The following ASNS variants were observed in gnomAD, a reference collection of about 807,000 sequenced individuals.
ASNS encodes the protein asparagine synthetase [glutamine-hydrolyzing].
In ASNS, 37 loss-of-function variants were observed where a neutral mutation model predicts 62.6. The observed-to-expected ratio is 0.59, with a 90% CI of 0.45 to 0.78. The LOEUF (loss-of-function observed/expected upper bound fraction) is 0.78. ASNS is among the 30% of genes least tolerant of loss of function. ASNS has a pLI of 0.00. For synonymous variants in ASNS, 207 were observed against 237.9 expected (o/e 0.87, Z 1.19); for missense variants, 520 against 682.4 (o/e 0.76, Z 2.65).
the ASNS span, among the ~76,000 whole-genome samples, chr7:97,892,013 G>A: frequency 6.6e-6 from 1 of 152,244 alleles, no homozygotes. Flanking sequence ...CCCTAGTAGA[G>A]GTTCTCCATG....
At chr7:97,881,222 A>C in the ASNS span, among the ~76,000 whole-genome samples, 1 of 152,210 alleles carries the variant, frequency 6.6e-6, no homozygotes, top group Non-Finnish European at 1.5e-5. Context: ...GATTACAGGC[A>C]TGAGCCATTG....
chr7:97,922,159 G>A, the ASNS span, among the ~76,000 whole-genome samples: 1 of 152,272 alleles, frequency 6.6e-6, no homozygotes, highest in East Asian at 1.9e-4. Context: ...GAGTCCAGGA[G>A]TTCGAGACCA....
chr7:97,856,192 A>G (rs1280358477), intron 8 of ASNS, among the ~76,000 whole-genome samples: 1 of 152,228 alleles, frequency 6.6e-6, no homozygotes, highest in African/African-American at 2.4e-5. Context: ...AGGCTCAATA[A>G]CACTGGATCA....
At chr7:97,871,570 T>C (rs543298358) in intron 1 of ASNS, 1 of 152,520 alleles carries the variant, frequency 6.6e-6, no homozygotes, top group African/African-American at 2.4e-5. Context: ...AGAAATAATG[T>C]AGGCCACGGG....
At chr7:97,895,862 A>C in the ASNS span, among the ~76,000 whole-genome samples, 2 of 152,170 alleles carry the variant, frequency 1.3e-5, no homozygotes, top group African/African-American at 2.4e-5. Flanking sequence ...CAAAATCAAC[A>C]TACAAAAATC....
the ASNS span, among the ~76,000 whole-genome samples, chr7:97,920,825 G>A: frequency 3.2e-4 from 48 of 152,234 alleles, no homozygotes; most frequent in Non-Finnish European, 7.1e-4. Context: ...AAACTTGGGG[G>A]AAATGTTAAT....
At chr7:97,916,329 C>T in the ASNS span, among the ~76,000 whole-genome samples, 12 of 151,916 alleles carry the variant, frequency 7.9e-5, no homozygotes, top group Admixed American at 7.2e-4. Context: ...TGCAGTGAAC[C>T]GAGATTGCAC....
chr7:97,873,386 A>C (rs1792366900), upstream of ASNS, among the ~76,000 whole-genome samples: 1 of 152,262 alleles, frequency 6.6e-6, no homozygotes. Context: ...TGCAGGTTTG[A>C]TATCCCCATA....
chr7:97,923,309 G>T, the ASNS span, among the ~76,000 whole-genome samples: 1 of 151,572 alleles, frequency 6.6e-6, no homozygotes, highest in African/African-American at 2.4e-5. Flanking sequence ...TTTAAAAATG[G>T]TCAGGCATGG....
At chr7:97,925,136 T>G in the ASNS span, among the ~76,000 whole-genome samples, 2 of 151,990 alleles carry the variant, frequency 1.3e-5, no homozygotes, top group African/African-American at 4.8e-5. Context: ...GACTCCATCT[T>G]TAAAAAACAT....
the ASNS span, among the ~76,000 whole-genome samples, chr7:97,909,299 T>G: frequency 1.2e-5 from 1 of 81,154 alleles, no homozygotes; most frequent in Admixed American, 1.1e-4. Context: ...ATACACTTTT[T>G]TTTTTTTTTT....
chr7:97,910,046 A>C, the ASNS span, among the ~76,000 whole-genome samples: 2 of 152,174 alleles, frequency 1.3e-5, no homozygotes, highest in Non-Finnish European at 1.5e-5. Flanking sequence ...CCTGAATACA[A>C]GTGATGACAA....
At chr7:97,912,565 CTTTTTTTTT>C in the ASNS span, among the ~76,000 whole-genome samples, 820 of 41,490 alleles carry the variant, frequency 0.02, 23 homozygotes, top group African/African-American at 0.091. Context: ...GTTAACTTTG[CTTTTTTTTT>C]TTTTTTTTTT....
chr7:97,872,556 GA>G (rs1372359830), upstream of ASNS: 2 of 152,412 alleles, frequency 1.3e-5, no homozygotes, highest in African/African-American at 4.8e-5. Context: ...TGGGGCGGCG[GA>G]AGGGCGCAAG....
At chr7:97,866,114 T>TA (rs1283953478) in intron 3 of ASNS, among the ~76,000 whole-genome samples, 1 of 152,168 alleles carries the variant, frequency 6.6e-6, no homozygotes, top group African/African-American at 2.4e-5. Context: ...GCCATGACAC[T>TA]AAAAAACGTG....
chr7:97,868,677 G>C (rs1431210278), intron 3 of ASNS, among the ~76,000 whole-genome samples: 2 of 152,116 alleles, frequency 1.3e-5, no homozygotes, highest in Non-Finnish European at 2.9e-5. Flanking sequence ...AAAATTCTAA[G>C]AGTCAATGAA....
chr7:97,877,479 C>A (rs1019363973), upstream of ASNS, among the ~76,000 whole-genome samples: 1 of 152,188 alleles, frequency 6.6e-6, no homozygotes, highest in Non-Finnish European at 1.5e-5. Flanking sequence ...TTATCTGTTT[C>A]CATGAGCCAA....
the ASNS span, among the ~76,000 whole-genome samples, chr7:97,878,904 G>C: frequency 6.6e-6 from 1 of 152,164 alleles, no homozygotes; most frequent in Non-Finnish European, 1.5e-5. Flanking sequence ...ATACTACAAG[G>C]CTACAGTAAC....
At chr7:97,889,514 T>TC in the ASNS span, among the ~76,000 whole-genome samples, 1 of 150,490 alleles carries the variant, frequency 6.6e-6, no homozygotes, top group Admixed American at 6.6e-5. Context: ...AGACTCCATC[T>TC]CAACAACCAC....
Sources: gnomAD v4.1 joint callset for allele counts (sites outside exome capture counted in the v4.1 genomes callset) on GRCh38, gnomAD v4.1.1 for gene constraint, MANE v1.5 for transcripts, NCBI Gene and HGNC (gene_info 2026-07-23, HGNC 2026-07-21) for gene names.